DSCAML1: variants seen among roughly 807,000 people sequenced by gnomAD.
DSCAML1 encodes cell adhesion molecule DSCAML1.
A neutral mutation model predicts 200.5 loss-of-function variants in DSCAML1; 38 were observed. The observed-to-expected ratio is 0.19, with a 90% CI of 0.15 to 0.25. The LOEUF is 0.25. Among genes scored for constraint, DSCAML1 ranks in the 10% least tolerant of loss-of-function variants. The probability of loss-of-function intolerance (pLI) is 1.00; values close to 1 mark genes in which losing one functional copy is unlikely to be tolerated. For synonymous variants in DSCAML1, 1,215 were observed against 1,165.0 expected (o/e 1.04, Z -0.87); for missense variants, 2,223 against 2,858.8 (o/e 0.78, Z 5.07).
At chr11:117,668,443 T>C (rs1856973240) in intron 3 of DSCAML1, 1 of 152,220 alleles carries the variant, frequency 6.6e-6, no homozygotes, top group African/African-American at 2.4e-5. Flanking sequence ...CATGAGGATA[T>C]GTAAAGGCAC....
Position 117,687,426 on chromosome 11 carries a change from A to ATTTTAATTTTT in DSCAML1, c.511+89364_511+89365insAAAAATTAAAA, listed in dbSNP as rs552784985. On this transcript the variant is annotated intron_variant, in intron 3 of 32. Coordinates refer to ENST00000651296, the MANE Select transcript of DSCAML1 (RefSeq NM_020693.4). Reference sequence around the variant, plus strand: ...CAGGTGTGCTCCACCATGCCTGGCTATTTTTTTTTTTTTTTTTTTTTTAGA... The same window carrying ATTTTAATTTTT: ...CAGGTGTGCTCCACCATGCCTGGCTATTTTAATTTTTTTTTTTTTTTTTTTTTTTTTTTAGA... Among the ~76,000 whole-genome samples the ATTTTAATTTTT allele has an allele frequency of 5.1e-4, 50 of 97,650 alleles. 2 individuals carry two copies. The highest frequency in any genetic ancestry group is 2.0e-3 in the African/African-American group (48 of 24,310). 64.1% of individuals were successfully genotyped at this position (97,650 alleles called of 152,430 possible).
intron 3 of DSCAML1, among the ~76,000 whole-genome samples, chr11:117,618,055 A>G (rs1015157980): frequency 1.3e-5 from 2 of 152,218 alleles, no homozygotes; most frequent in African/African-American, 4.8e-5. Flanking sequence ...GATCTCAACA[A>G]TACCTATTTC....
intron 3 of DSCAML1, among the ~76,000 whole-genome samples, chr11:117,714,675 G>A (rs1216954094): frequency 1.3e-5 from 2 of 151,922 alleles, no homozygotes; most frequent in Non-Finnish European, 1.5e-5. Context: ...AAATTAGCTG[G>A]GCGTGGTGGT....
intron 20 of DSCAML1, among the ~76,000 whole-genome samples, chr11:117,449,967 T>C (rs1391184043): frequency 6.6e-6 from 1 of 152,216 alleles, no homozygotes; most frequent in Non-Finnish European, 1.5e-5. Flanking sequence ...CCCTATGTCC[T>C]GCCTGGGGGC....
chr11:117,536,505 C>T (rs1044634434), intron 3 of DSCAML1, among the ~76,000 whole-genome samples: 1 of 152,190 alleles, frequency 6.6e-6, no homozygotes, highest in Non-Finnish European at 1.5e-5. Context: ...AATCCTGAAG[C>T]CACTTGGACA....
chr11:117,481,223 G>A lies in DSCAML1; in HGVS notation c.2607C>T (p.Ala869=). The change falls in exon 13 of 33, where the codon GCC becomes GCT. Residue 869 remains alanine (A), a synonymous_variant. Coordinates refer to ENST00000651296, the MANE Select transcript of DSCAML1 (RefSeq NM_020693.4). ...RGDSVFFSCH[A]INSYGEDRGL... ...CCCGGTCCTCCCCATACGAGTTGAT[G>A]GCATGGCAGCTGAAGAACACAGAGT... 2 of 1,613,944 alleles carry A rather than the reference G, an allele frequency of 1.2e-6. No homozygotes were observed. Among genetic ancestry groups the A allele is most frequent in the East Asian group, 2.2e-5 (1 of 44,818 alleles).
rs560457587 is a variant in DSCAML1, at chr11:117,704,656, C to T, written c.511+72135G>A. Among the ~76,000 whole-genome samples, 6 of 152,198 alleles carry T rather than the reference C, an allele frequency of 3.9e-5. No individual in the cohort carries two copies. The South Asian group carries it at 1.2e-3, about 32-fold the overall frequency. ...GACTCGGTGACTCGGCTGGTAGCCT[C>T]GGCAATGAGAACATATGTTCTCTTG... On this transcript the variant is annotated intron_variant, in intron 3 of 32. Transcript: ENST00000651296.
chr11:117,807,401 G>T (rs1241312886), intron 1 of DSCAML1, among the ~76,000 whole-genome samples: 1 of 152,080 alleles, frequency 6.6e-6, no homozygotes, highest in African/African-American at 2.4e-5. Context: ...TTGGGGGGTG[G>T]GAGATCTCCT....
At chr11:117,677,700 G>A (rs1201075583) in intron 3 of DSCAML1, among the ~76,000 whole-genome samples, 1 of 152,218 alleles carries the variant, frequency 6.6e-6, no homozygotes. Context: ...CTTCTACTGA[G>A]CACTTTCTAC....
intron 11 of DSCAML1, among the ~76,000 whole-genome samples, chr11:117,487,182 C>G (rs1240873713): frequency 2.0e-5 from 3 of 151,998 alleles, no homozygotes; most frequent in Admixed American, 6.6e-5. Flanking sequence ...GCCTCAGCCT[C>G]CCAAAGTGCT....
Position 117,433,155 on chromosome 11 carries a change from T to C in DSCAML1, c.5009A>G (p.Glu1670Gly), listed in dbSNP as rs1399578031. 6.2e-7 allele frequency: 1 copy of C among 1,613,800 alleles called. No homozygotes were observed. The highest frequency in any genetic ancestry group is 2.2e-5 in the East Asian group (1 of 44,882). The change falls in exon 29 of 33, where the codon GAA (glutamate) becomes GGA (glycine). Residue 1670 changes from glutamate to glycine, a missense_variant. Coordinates refer to ENST00000651296, the MANE Select transcript of DSCAML1 (RefSeq NM_020693.4). ...PRVQLLIEDK[E>G]GIKQLGDDKA... ...TCACTCACCCAGTTGCTTGATGCCT[T>C]CTTTGTCCTCGATGAGCAGCTGGAC...
intron 18 of DSCAML1, among the ~76,000 whole-genome samples, chr11:117,460,627 C>T (rs990022357): frequency 1.3e-5 from 2 of 152,146 alleles, no homozygotes; most frequent in African/African-American, 2.4e-5. Flanking sequence ...GGTCTGTGTA[C>T]ACCAGTGGGC....
At chr11:117,797,312 G>A (rs1426801832), upstream of DSCAML1, 2 of 1,306,716 alleles carry the variant, frequency 1.5e-6, no homozygotes, top group South Asian at 2.2e-5. Context: ...GGCACCCCGG[G>A]TGGTGAGCGC....
At position 117,437,318 on chromosome 11, in the gene DSCAML1, G is replaced by A. The variant is rs776041873; in HGVS notation, c.4524C>T (p.Cys1508=). 2.5e-6 allele frequency: 4 copies of A among 1,614,164 alleles called. No individual in the cohort carries two copies. The highest frequency in any genetic ancestry group is 3.4e-6 in the Non-Finnish European group (4 of 1,180,062). ...ACTCCAGAACGATGGCTGTGATAGG[G>A]CAGCCCCCATTGTTCCAGCCCTGCA... ...LNLQGWNNGG[C]PITAIVLEYR... Residue 1508 remains cysteine, a synonymous_variant, in exon 26 of 33, where the codon TGC becomes TGT. Coordinates refer to ENST00000651296, the MANE Select transcript of DSCAML1 (RefSeq NM_020693.4). The surrounding 1 kb of genome is among the most constrained non-coding windows in gnomAD (Gnocchi z 5.3).
At position 117,791,016 on chromosome 11, in the gene DSCAML1, C is replaced by G. The variant is rs981352040; in HGVS notation, c.46+6018G>C. Among the ~76,000 whole-genome samples the G allele has an allele frequency of 4.8e-4, 73 of 152,228 alleles. 1 individual carries two copies. Among genetic ancestry groups the G allele is most frequent in the Admixed American group, 4.8e-3 (73 of 15,284 alleles). On this transcript the variant is annotated intron_variant, in intron 1 of 32. Transcript: ENST00000651296. ...GCAAGCATCATGTAGAGACAGGGCA[C>G]AGGGAGTGGGGCAGGGCAGCTGAAC...
intron 5 of DSCAML1, among the ~76,000 whole-genome samples, chr11:117,521,765 G>T (rs961028514): frequency 6.6e-6 from 1 of 151,988 alleles, no homozygotes; most frequent in African/African-American, 2.4e-5. Context: ...CAGAAACCGG[G>T]GGGGGCACCC....
At chr11:117,656,630 A>AAATTGAGG (rs2052742520) in intron 3 of DSCAML1, among the ~76,000 whole-genome samples, 1 of 152,120 alleles carries the variant, frequency 6.6e-6, no homozygotes, top group Admixed American at 6.5e-5. Context: ...CAGATGAAAA[A>AAATTGAGG]AATTGAGGCT....
At chr11:117,475,788 T>TC (rs2048779141) in intron 14 of DSCAML1, among the ~76,000 whole-genome samples, 1 of 151,768 alleles carries the variant, frequency 6.6e-6, no homozygotes, top group East Asian at 1.9e-4. Flanking sequence ...GGAGAACAAC[T>TC]CCTTTTTTTC....
At chr11:117,461,065 C>T (rs1380302229) in intron 18 of DSCAML1, among the ~76,000 whole-genome samples, 1 of 87,386 alleles carries the variant, frequency 1.1e-5, no homozygotes, top group Admixed American at 1.2e-4. Flanking sequence ...GGCCTAATAT[C>T]AACACTGAAA....
Sources: gnomAD v4.1 joint callset for allele counts (sites outside exome capture counted in the v4.1 genomes callset) on GRCh38, gnomAD v4.1.1 for gene constraint, Gnocchi (gnomAD v3.1) non-coding constraint, MANE v1.5 for transcripts, NCBI Gene and HGNC (gene_info 2026-07-23, HGNC 2026-07-21) for gene names.